The following HYDIN variants were observed in gnomAD, a reference collection of about 807,000 sequenced individuals.
HYDIN encodes axonemal central pair apparatus protein HYDIN.
HYDIN carries 132 observed loss-of-function variants against 403.9 expected under a neutral mutation model. The ratio of observed to expected loss-of-function variants is 0.33; its 90% CI spans 0.28 to 0.38. The LOEUF (loss-of-function observed/expected upper bound fraction) is 0.38, where lower values mean the gene tolerates loss of function less well. HYDIN is among the 10% of genes least tolerant of loss of function. The pLI is 1.00. For missense variants in HYDIN, 2,827 were observed against 5,009.5 expected, an observed-to-expected ratio of 0.56 and a Z score of 13.15; for synonymous variants, 1,202 against 1,891.7, an observed-to-expected ratio of 0.64 and a Z score of 9.46.
chr16:70,962,602 T>C (rs917216247), intron 37 of HYDIN, among the ~76,000 whole-genome samples: 2 of 151,890 alleles, frequency 1.3e-5, no homozygotes, highest in African/African-American at 2.4e-5. Flanking sequence ...TAATTTATCA[T>C]GACCATTTCC....
chr16:71,213,077 A>G (rs1159289516), intron 1 of HYDIN, among the ~76,000 whole-genome samples: 1 of 152,128 alleles, frequency 6.6e-6, no homozygotes, highest in Non-Finnish European at 1.5e-5. Flanking sequence ...TAATTCTAAA[A>G]CCAGGAAAAA....
chr16:71,175,549 G>A, intron 5 of HYDIN, 58 bp downstream of exon 5: 1 of 1,573,538 alleles, frequency 6.4e-7, no homozygotes, highest in South Asian at 1.1e-5. Flanking sequence ...TAAATATTCA[G>A]AATTGAACTG....
intron 47 of HYDIN, among the ~76,000 whole-genome samples, chr16:70,914,393 C>T (rs1205569789): frequency 3.3e-5 from 5 of 151,688 alleles, no homozygotes; most frequent in South Asian, 2.1e-4. Flanking sequence ...CCTTCATATA[C>T]GATGCTTAGT....
At chr16:70,817,720 C>T (rs1484498481) in intron 84 of HYDIN, among the ~76,000 whole-genome samples, 2 of 152,094 alleles carry the variant, frequency 1.3e-5, no homozygotes, top group African/African-American at 4.8e-5. Context: ...CACACCTATT[C>T]TATACTATTT....
chr16:70,954,469 A>G (rs983135299), intron 40 of HYDIN, among the ~76,000 whole-genome samples: 1 of 141,766 alleles, frequency 7.1e-6, no homozygotes, highest in Non-Finnish European at 1.5e-5. Flanking sequence ...AAAAAAAAAA[A>G]AAGAAAGAAA....
chr16:70,956,386 T>G (rs979447061), intron 39 of HYDIN, among the ~76,000 whole-genome samples: 2 of 152,164 alleles, frequency 1.3e-5, no homozygotes, highest in Admixed American at 1.3e-4. Flanking sequence ...CTGTATTTCT[T>G]ATAAAAAAAG....
chr16:71,209,866 C>T (rs2144728463), intron 1 of HYDIN, among the ~76,000 whole-genome samples: 1 of 152,246 alleles, frequency 6.6e-6, no homozygotes, highest in Admixed American at 6.5e-5. Flanking sequence ...TGACAAAACA[C>T]TGTTCAAAGA....
intron 23 of HYDIN, among the ~76,000 whole-genome samples, chr16:70,992,958 CCT>C (rs1189765716): frequency 2.0e-5 from 3 of 152,202 alleles, no homozygotes; most frequent in Non-Finnish European, 4.4e-5. Flanking sequence ...CTTCTGGACC[CCT>C]CTCTGACCCT....
At chr16:70,932,009 C>CAAAA (rs57391181) in intron 45 of HYDIN, among the ~76,000 whole-genome samples, 5 of 29,060 alleles carry the variant, frequency 1.7e-4, no homozygotes, top group Admixed American at 1.3e-3. Flanking sequence ...AGACTTGTAT[C>CAAAA]AAAAAAAAAA....
At chr16:71,201,372 A>G (rs1369303701) in intron 1 of HYDIN, among the ~76,000 whole-genome samples, 2 of 152,202 alleles carry the variant, frequency 1.3e-5, no homozygotes, top group Non-Finnish European at 2.9e-5. Flanking sequence ...ATTTAAAAAA[A>G]GAATAATTTC....
At chr16:70,826,420 T>C (rs1372852641) in intron 83 of HYDIN, among the ~76,000 whole-genome samples, 2 of 152,086 alleles carry the variant, frequency 1.3e-5, no homozygotes, top group African/African-American at 4.8e-5. Context: ...AGCTTATCCT[T>C]ATTTCATGAG....
chr16:70,851,532 T>C (rs1325753045), intron 73 of HYDIN, among the ~76,000 whole-genome samples: 1 of 148,658 alleles, frequency 6.7e-6, no homozygotes, highest in Non-Finnish European at 1.5e-5. Context: ...TGAGATAACA[T>C]CTCACACCAG....
In HYDIN at chr16:70,985,327, A is replaced by G. The variant is rs577484475; in HGVS notation, c.4195-5T>C. 7.3e-7 allele frequency: 1 copy of G among 1,376,234 alleles called. No individual in the cohort carries two copies. Among genetic ancestry groups the G allele is most frequent in the South Asian group, 1.4e-5 (1 of 73,522 alleles). 85.3% of individuals were successfully genotyped at this position (1,376,234 alleles called of 1,614,324 possible). A position where few individuals can be genotyped will look rare whatever the true frequency, so the allele number is the denominator to read the frequency against. On this transcript the variant is annotated splice_polypyrimidine_tract_variant and splice_region_variant and intron_variant, in intron 27 of 85. Transcript: ENST00000393567. Reference sequence around the variant, plus strand: ...CTCTGTGACATGGTCAAACAGCTTGAGAAGAGAAGGAGAAGAGTGACTCCA... The same window carrying G: ...CTCTGTGACATGGTCAAACAGCTTGGGAAGAGAAGGAGAAGAGTGACTCCA...
chr16:70,886,095 G>C (rs1338499509), intron 58 of HYDIN, among the ~76,000 whole-genome samples: 1 of 150,036 alleles, frequency 6.7e-6, no homozygotes, highest in East Asian at 1.9e-4. Context: ...ACTAATGTTG[G>C]ATTTTCTGCT....
intron 3 of HYDIN, among the ~76,000 whole-genome samples, chr16:71,183,345 G>A (rs536587660): frequency 1.3e-5 from 2 of 152,008 alleles, no homozygotes; most frequent in Non-Finnish European, 2.9e-5. Context: ...AGCTGTAGAA[G>A]GGCAGACAAA....
intron 18 of HYDIN, among the ~76,000 whole-genome samples, chr16:71,040,964 C>T (rs1000146901): frequency 2.0e-5 from 3 of 150,202 alleles, no homozygotes; most frequent in Non-Finnish European, 4.4e-5. Context: ...ACGTCCTCCT[C>T]TGCGCTTCAC....
chr16:70,834,416 T>G (rs2037227873), intron 78 of HYDIN, among the ~76,000 whole-genome samples: 1 of 152,034 alleles, frequency 6.6e-6, no homozygotes, highest in Non-Finnish European at 1.5e-5. Context: ...CCTGACCCTT[T>G]CCTAACTTAT....
intron 75 of HYDIN, among the ~76,000 whole-genome samples, chr16:70,847,461 T>G (rs572694818): frequency 6.6e-6 from 1 of 152,304 alleles, no homozygotes; most frequent in Non-Finnish European, 1.5e-5. Flanking sequence ...CCTTTATTAC[T>G]TCTTGTAGGC....
intron 1 of HYDIN, among the ~76,000 whole-genome samples, chr16:71,197,908 T>C (rs992512438): frequency 6.6e-6 from 1 of 152,098 alleles, no homozygotes; most frequent in African/African-American, 2.4e-5. Flanking sequence ...CCACCATACC[T>C]AGCTAATTTT....
Sources: allele counts gnomAD v4.1 joint callset (sites outside exome capture counted in the v4.1 genomes callset), GRCh38; gene constraint gnomAD v4.1.1; transcripts MANE v1.5; gene names NCBI Gene and HGNC (gene_info 2026-07-23, HGNC 2026-07-21).